SHISA9: variants seen among roughly 807,000 people sequenced by gnomAD.
The protein encoded by SHISA9 is protein shisa-9.
A neutral mutation model predicts 38.0 loss-of-function variants in SHISA9; 13 were observed. The ratio of observed to expected loss-of-function variants is 0.34; its 90% CI spans 0.22 to 0.54. The LOEUF (loss-of-function observed/expected upper bound fraction) is 0.54, where lower values mean the gene tolerates loss of function less well. SHISA9 is among the 20% of genes least tolerant of loss of function. The pLI is 0.91. For synonymous variants in SHISA9, 275 were observed against 242.0 expected (o/e 1.14, Z -1.27); for missense variants, 538 against 575.8 (o/e 0.93, Z 0.67).
At chr16:13,142,939 A>T (rs2141997675) in intron 2 of SHISA9, among the ~76,000 whole-genome samples, 1 of 152,076 alleles carries the variant, frequency 6.6e-6, no homozygotes, top group African/African-American at 2.4e-5. Context: ...ATTAGTGGGG[A>T]TGAACTTAGC....
At chr16:12,960,836 G>C (rs1604308) in intron 2 of SHISA9, among the ~76,000 whole-genome samples, 95,253 of 151,952 alleles carry the variant, frequency 0.63, 30,073 homozygotes, top group Middle Eastern at 0.66. Flanking sequence ...TCTCAGCCCT[G>C]TTTTCCTTTC....
chr16:13,000,061 T>C (rs1338287087), intron 2 of SHISA9, among the ~76,000 whole-genome samples: 1 of 152,236 alleles, frequency 6.6e-6, no homozygotes, highest in Non-Finnish European at 1.5e-5. Flanking sequence ...TCTCTATCAC[T>C]ATAAGTCTTT....
the SHISA9 span, among the ~76,000 whole-genome samples, chr16:13,413,598 A>G: frequency 5.3e-5 from 8 of 152,018 alleles, no homozygotes; most frequent in Non-Finnish European, 7.4e-5. Context: ...TCTACTAAAA[A>G]TACAAAAATT....
At chr16:13,244,862 A>C (rs2051460621), downstream of SHISA9, among the ~76,000 whole-genome samples, 1 of 152,248 alleles carries the variant, frequency 6.6e-6, no homozygotes, top group Non-Finnish European at 1.5e-5. Context: ...CTGTGATTCT[A>C]CTGTTGACAA....
the SHISA9 span, among the ~76,000 whole-genome samples, chr16:13,254,806 C>T: frequency 6.6e-6 from 1 of 152,160 alleles, no homozygotes; most frequent in South Asian, 2.1e-4. Flanking sequence ...AATGAAGAAA[C>T]AGTCCCTTCC....
chr16:12,977,836 G>A (rs1470002150), intron 2 of SHISA9, among the ~76,000 whole-genome samples: 1 of 151,946 alleles, frequency 6.6e-6, no homozygotes, highest in African/African-American at 2.4e-5. Flanking sequence ...AGGGGGGAGA[G>A]TGAGAGCATC....
the SHISA9 span, among the ~76,000 whole-genome samples, chr16:13,462,563 C>T: frequency 3.9e-5 from 6 of 152,058 alleles, no homozygotes; most frequent in South Asian, 2.1e-4. Context: ...GTGGCTCACA[C>T]CTGTAATCCC....
chr16:12,952,780 C>A (rs996408917), intron 2 of SHISA9, among the ~76,000 whole-genome samples: 1 of 152,208 alleles, frequency 6.6e-6, no homozygotes, highest in African/African-American at 2.4e-5. Flanking sequence ...CTTCCCCAGC[C>A]ATGCAGAACT....
rs184190802 is a variant in SHISA9 at position 12,910,939 on chromosome 16, C to T, written c.564-5749C>T. On this transcript the variant is annotated intron_variant, in intron 1 of 4. Coordinates refer to ENST00000558583, the MANE Select transcript of SHISA9 (RefSeq NM_001145204.3). ...TTGAGGCTCACTCACATTAGAAGGGCAATCTGTCTTACTGCCATTAGAATG... is the reference window on the plus strand; with the variant it reads ...TTGAGGCTCACTCACATTAGAAGGGTAATCTGTCTTACTGCCATTAGAATG... 1.5e-3 allele frequency: 258 copies of T among 175,790 alleles called. 2 individuals are homozygous for T. Among genetic ancestry groups the T allele is most frequent in the African/African-American group, 6.0e-3 (251 of 42,022 alleles). The allele number at this position is 175,790 out of a possible 1,614,324, so 10.9% of individuals were successfully genotyped here. A position where few individuals can be genotyped will look rare whatever the true frequency, so the allele number is the denominator to read the frequency against.
At chr16:13,459,183 A>G in the SHISA9 span, among the ~76,000 whole-genome samples, 1 of 152,164 alleles carries the variant, frequency 6.6e-6, no homozygotes, top group South Asian at 2.1e-4. Context: ...GAAAAAAATT[A>G]TTGAAACTCC....
At chr16:13,148,036 G>A (rs2050462688) in intron 2 of SHISA9, among the ~76,000 whole-genome samples, 1 of 152,140 alleles carries the variant, frequency 6.6e-6, no homozygotes, top group African/African-American at 2.4e-5. Context: ...GAAGGACCTA[G>A]GGTGTTCTAA....
chr16:12,990,129 G>A (rs988882803), intron 2 of SHISA9, among the ~76,000 whole-genome samples: 5 of 152,148 alleles, frequency 3.3e-5, no homozygotes, highest in Non-Finnish European at 7.3e-5. Context: ...TTTTATGGCT[G>A]CACAGTATCC....
At chr16:13,301,772 G>A in the SHISA9 span, among the ~76,000 whole-genome samples, 1 of 152,284 alleles carries the variant, frequency 6.6e-6, no homozygotes, top group East Asian at 1.9e-4. Context: ...GCACAGAGAA[G>A]CAAGGAGCAT....
chr16:13,106,592 AC>A (rs904499032), intron 2 of SHISA9, among the ~76,000 whole-genome samples: 12 of 152,182 alleles, frequency 7.9e-5, no homozygotes, highest in African/African-American at 2.9e-4. Context: ...GATAGGGTTT[AC>A]CTTAATCTCC....
At chr16:13,240,507 G>T (rs182066054), downstream of SHISA9, 2 of 152,270 alleles carry the variant, frequency 1.3e-5, no homozygotes, top group Non-Finnish European at 2.9e-5. Context: ...AGAGAATGAG[G>T]TCTATAATAC....
chr16:13,442,498 G>C, the SHISA9 span, among the ~76,000 whole-genome samples: 1 of 152,216 alleles, frequency 6.6e-6, no homozygotes, highest in South Asian at 2.1e-4. Flanking sequence ...ATTAGAGACA[G>C]GGTTTCACCT....
At chr16:13,129,395 C>T (rs2050288350) in intron 2 of SHISA9, among the ~76,000 whole-genome samples, 1 of 152,150 alleles carries the variant, frequency 6.6e-6, no homozygotes, top group African/African-American at 2.4e-5. Context: ...TCCTCTAGGT[C>T]CTCTGCATCT....
intron 2 of SHISA9, among the ~76,000 whole-genome samples, chr16:12,929,028 A>C (rs2071429954): frequency 6.6e-6 from 1 of 152,252 alleles, no homozygotes; most frequent in Admixed American, 6.5e-5. Flanking sequence ...GTGGCCAAAA[A>C]ACATAGAAAA....
rs1304534862 is a variant in SHISA9 at position 13,235,492 on chromosome 16, C to A, written c.*83C>A. On this transcript the variant is annotated 3_prime_UTR_variant, in exon 5 of 5. Coordinates refer to ENST00000558583, the MANE Select transcript of SHISA9 (RefSeq NM_001145204.3). ...ACCCCGCCCACACCCTCCCCATCCTCCCCTAATACATGCGTCCACACACTC... is the reference window on the plus strand; with the variant it reads ...ACCCCGCCCACACCCTCCCCATCCTACCCTAATACATGCGTCCACACACTC... 5.7e-6 allele frequency: 8 copies of A among 1,415,782 alleles called. No individual in the cohort carries two copies. The highest frequency in any genetic ancestry group is 7.5e-6 in the Non-Finnish European group (8 of 1,072,470). 87.7% of individuals were successfully genotyped at this position (1,415,782 alleles called of 1,614,324 possible). A position where few individuals can be genotyped will look rare whatever the true frequency, so the allele number is the denominator to read the frequency against.
Sources: allele counts gnomAD v4.1 joint callset (sites outside exome capture counted in the v4.1 genomes callset), GRCh38; gene constraint gnomAD v4.1.1; transcripts MANE v1.5; gene names NCBI Gene and HGNC (gene_info 2026-07-23, HGNC 2026-07-21).